The following DOCK2 variants were observed in gnomAD, a reference collection of about 807,000 sequenced individuals.
The protein encoded by DOCK2 is dedicator of cytokinesis protein 2.
A neutral mutation model predicts 248.9 loss-of-function variants in DOCK2; 87 were observed. That is an observed-to-expected ratio of 0.35 (90% CI 0.29 to 0.42). DOCK2 has a LOEUF of 0.42. Ranked by LOEUF, DOCK2 falls within the 10% of genes least tolerant of loss-of-function variation. DOCK2 has a pLI of 1.00. For missense variants in DOCK2, 1,747 were observed against 2,300.2 expected, an observed-to-expected ratio of 0.76 and a Z score of 4.92; for synonymous variants, 805 against 821.6, an observed-to-expected ratio of 0.98 and a Z score of 0.35.
At chr5:170,061,330 G>A (rs560820227) in intron 44 of DOCK2, among the ~76,000 whole-genome samples, 2 of 152,340 alleles carry the variant, frequency 1.3e-5, no homozygotes, top group East Asian at 3.9e-4. Flanking sequence ...AGTAGAAGAA[G>A]CCTGCCTTTG....
At position 169,996,150 on chromosome 5, in the gene DOCK2, A is replaced by G. The variant is rs1222192281; in HGVS notation, c.3058A>G (p.Asn1020Asp). The G allele has an allele frequency of 6.2e-7, 1 of 1,613,850 alleles. No homozygotes were observed. The highest frequency in any genetic ancestry group is 8.5e-7 in the Non-Finnish European group (1 of 1,179,888). Residue 1020 changes from asparagine (N) to aspartate (D), a missense_variant, in exon 30 of 52, where the codon AAC (asparagine) becomes GAC (aspartate). This residue lies in a region of DOCK2 where 858 missense variants were observed against 1,183.5 expected (regional missense o/e 0.72). Coordinates refer to ENST00000520908, the MANE Select transcript of DOCK2 (RefSeq NM_004946.3). ...TMNQKFLEHT[N>D]FEFQLWNNYF... ...GAACCAGAAGTTCCTAGAACACACG[A>G]ACTTTGAGTTCCAGGTGAGTATAAG...
At chr5:169,753,363 C>T (rs55868866) in intron 23 of DOCK2, among the ~76,000 whole-genome samples, 50,412 of 149,786 alleles carry the variant, frequency 0.34, 9,943 homozygotes, top group East Asian at 0.59. Flanking sequence ...CTCACCCCCC[C>T]CCACCCCCTG....
chr5:169,958,959 G>T (rs1031915603), intron 27 of DOCK2, among the ~76,000 whole-genome samples: 7 of 152,176 alleles, frequency 4.6e-5, no homozygotes, highest in Non-Finnish European at 1.0e-4. Flanking sequence ...AATGAGGCAG[G>T]TTCCTAGAAT....
chr5:169,817,604 G>A (rs906046186), intron 26 of DOCK2, among the ~76,000 whole-genome samples: 10 of 152,186 alleles, frequency 6.6e-5, no homozygotes, highest in African/African-American at 2.4e-4. Flanking sequence ...AATCATATTT[G>A]TCTTTTGAAG....
chr5:170,019,516 G>A (rs1239880282), intron 33 of DOCK2, among the ~76,000 whole-genome samples: 1 of 152,058 alleles, frequency 6.6e-6, no homozygotes, highest in African/African-American at 2.4e-5. Flanking sequence ...GGCCCTGCTG[G>A]GTGTCACACT....
intron 6 of DOCK2, among the ~76,000 whole-genome samples, chr5:169,675,898 C>T (rs928730785): frequency 1.3e-5 from 2 of 152,188 alleles, no homozygotes; most frequent in African/African-American, 2.4e-5. Context: ...CTGCTGATGC[C>T]CCATTGGCAT....
At chr5:169,679,341 G>C (rs1041667911) in intron 6 of DOCK2, among the ~76,000 whole-genome samples, 3 of 152,180 alleles carry the variant, frequency 2.0e-5, no homozygotes, top group Admixed American at 1.3e-4. Flanking sequence ...ATGAGAGAAT[G>C]CCTAAATGTT....
At chr5:169,877,628 A>G (rs1772405394) in intron 27 of DOCK2, among the ~76,000 whole-genome samples, 1 of 152,150 alleles carries the variant, frequency 6.6e-6, no homozygotes, top group African/African-American at 2.4e-5. Context: ...TGAAGTGGAA[A>G]TGTCTGCATG....
chr5:169,941,702 T>G (rs259910), intron 27 of DOCK2, among the ~76,000 whole-genome samples: 8,795 of 152,178 alleles, frequency 0.058, 586 homozygotes, highest in African/African-American at 0.16. Context: ...CTGGAAAAGA[T>G]CACGCTGACT....
At chr5:170,019,185 A>G (rs964279674) in intron 33 of DOCK2, 77 bp downstream of exon 33, 108 of 1,600,824 alleles carry the variant, frequency 6.7e-5, no homozygotes, top group Admixed American at 1.8e-4. Context: ...TCCTCATTCC[A>G]TCTCCCTGAG....
intron 32 of DOCK2, among the ~76,000 whole-genome samples, chr5:170,018,507 C>A (rs55971591): frequency 3.9e-5 from 6 of 152,196 alleles, no homozygotes; most frequent in African/African-American, 1.4e-4. Context: ...ACTATTATAG[C>A]GAGTTCTTAG....
intron 15 of DOCK2, among the ~76,000 whole-genome samples, chr5:169,711,667 C>T (rs966857993): frequency 6.6e-6 from 1 of 152,156 alleles, no homozygotes; most frequent in Non-Finnish European, 1.5e-5. Context: ...TTTGGGGAGA[C>T]TCATTTTTCC....
chr5:170,023,028 A>G (rs1484570319), intron 33 of DOCK2, among the ~76,000 whole-genome samples: 1 of 152,172 alleles, frequency 6.6e-6, no homozygotes, highest in Admixed American at 6.5e-5. Flanking sequence ...TTGCTGGCCA[A>G]TTCTTTGTGG....
At chr5:169,886,144 A>G (rs1772955483) in intron 27 of DOCK2, among the ~76,000 whole-genome samples, 1 of 152,192 alleles carries the variant, frequency 6.6e-6, no homozygotes. Flanking sequence ...TTCTTTATAA[A>G]TTACACAGTC....
chr5:169,881,309 G>T, intron 27 of DOCK2: 1 of 1,397,534 alleles, frequency 7.2e-7, no homozygotes, highest in Non-Finnish European at 9.9e-7. Flanking sequence ...TTGCTAGAGT[G>T]TTCAGCGGAC....
chr5:170,008,068 G>C (rs752892462), intron 30 of DOCK2, among the ~76,000 whole-genome samples: 6 of 152,080 alleles, frequency 3.9e-5, no homozygotes, highest in African/African-American at 7.2e-5. Flanking sequence ...TTCCAGAGAG[G>C]CAGTGAATCC....
chr5:169,775,926 C>T (rs781204424), intron 25 of DOCK2, among the ~76,000 whole-genome samples: 7 of 151,680 alleles, frequency 4.6e-5, no homozygotes, highest in Non-Finnish European at 8.8e-5. Context: ...CCTTGGACCA[C>T]ACCGAGACCT....
At chr5:169,794,826 G>A (rs894559924) in intron 25 of DOCK2, among the ~76,000 whole-genome samples, 2 of 152,222 alleles carry the variant, frequency 1.3e-5, no homozygotes, top group African/African-American at 4.8e-5. Flanking sequence ...GGGAGGCTGA[G>A]GCAGCAGAAT....
intron 44 of DOCK2, among the ~76,000 whole-genome samples, chr5:170,064,629 T>C (rs1757432573): frequency 6.6e-6 from 1 of 151,904 alleles, no homozygotes; most frequent in Non-Finnish European, 1.5e-5. Context: ...CCATCAAGTG[T>C]AACAACATAC....
Sources: gnomAD v4.1 joint callset for allele counts (sites outside exome capture counted in the v4.1 genomes callset) on GRCh38, gnomAD v4.1.1 for gene constraint, gnomAD v4.1.1 regional missense constraint, MANE v1.5 for transcripts, NCBI Gene and HGNC (gene_info 2026-07-23, HGNC 2026-07-21) for gene names.